The following WFS1 variants were observed in gnomAD, a reference collection of about 807,000 sequenced individuals.
The protein encoded by WFS1 is wolframin.
Under a neutral mutation model 68.5 loss-of-function variants are expected in WFS1, and 90 were observed. The observed-to-expected ratio is 1.31, with a 90% confidence interval of 1.11 to 1.56. WFS1 has a LOEUF of 1.56. WFS1 is among the 40% of genes most tolerant of loss of function. The pLI is 0.00. For missense variants in WFS1, 1,767 were observed against 1,232.6 expected, an observed-to-expected ratio of 1.43 and a Z score of -6.49; for synonymous variants, 860 against 540.7, an observed-to-expected ratio of 1.59 and a Z score of -8.19.
intron 6 of WFS1, among the ~76,000 whole-genome samples, chr4:6,294,583 G>T (rs144673636): frequency 6.6e-6 from 1 of 152,146 alleles, no homozygotes; most frequent in Admixed American, 6.5e-5. Context: ...GGTTGGGGGC[G>T]CAGATCATGT....
At chr4:6,286,991 A>G (rs1730328531) in intron 2 of WFS1, 102 bp from the exon 3 acceptor site, 1 of 1,040,702 alleles carries the variant, frequency 9.6e-7, no homozygotes, top group Non-Finnish European at 1.5e-6. Flanking sequence ...GAAAGTGACA[A>G]GCAGCAGCAG....
chr4:6,302,494 A>G lies in WFS1; in HGVS notation c.*26A>G, dbSNP rs931077061. The G allele has an allele frequency of 6.2e-7, 1 of 1,611,488 alleles. No homozygotes were observed. The highest frequency in any genetic ancestry group is 8.5e-7 in the Non-Finnish European group (1 of 1,179,962). On this transcript the variant is annotated 3_prime_UTR_variant, in exon 8 of 8. Coordinates refer to ENST00000226760, the MANE Select transcript of WFS1 (RefSeq NM_006005.3). ...GGATGGTCCGCCACGAGGAGCTTCC[A>G]GTGCATGTTGCCATGAGGCCTTTCC...
At chr4:6,299,874 G>T (rs1282464751) in intron 7 of WFS1, among the ~76,000 whole-genome samples, 3 of 129,598 alleles carry the variant, frequency 2.3e-5, no homozygotes, top group African/African-American at 9.4e-5. Flanking sequence ...TGTAGGGGTG[G>T]GCTGCATGTG....
At chr4:6,284,890 T>C (rs1730267551) in intron 2 of WFS1, among the ~76,000 whole-genome samples, 1 of 150,602 alleles carries the variant, frequency 6.6e-6, no homozygotes, top group Admixed American at 6.7e-5. Flanking sequence ...ATGGCCTTGG[T>C]GCCTGCAGGC....
intron 2 of WFS1, 79 bp downstream of exon 2, chr4:6,277,766 A>C: frequency 6.7e-7 from 1 of 1,488,404 alleles, no homozygotes. Context: ...CCACCCCTGG[A>C]GGGTCCCCCC....
Position 6,302,626 on chromosome 4 carries a change from G to A in WFS1, c.*158G>A, listed in dbSNP as rs548892128. 54 of 1,029,726 alleles carry A rather than the reference G, an allele frequency of 5.2e-5. No homozygotes were observed. The highest frequency in any genetic ancestry group is 3.1e-4 in the Middle Eastern group (1 of 3,176). 63.8% of individuals were successfully genotyped at this position (1,029,726 alleles called of 1,614,324 possible). ...ACCATGTGTAGATTGCGTGGACCCC[G>A]ACAAAGGGAAGGCTGCTGTGTAGCT... On this transcript the variant is annotated 3_prime_UTR_variant, in exon 8 of 8. Coordinates refer to ENST00000226760, the MANE Select transcript of WFS1 (RefSeq NM_006005.3).
rs1730873856 is a variant in WFS1, at chr4:6,301,040, C to T, written c.1245C>T (p.Val415=). The T allele has an allele frequency of 3.1e-6, 5 of 1,614,076 alleles. No homozygotes were observed. Among genetic ancestry groups the T allele is most frequent in the South Asian group, 2.2e-5 (2 of 91,090 alleles). ...YAHFLLSVFF[V]IFSFPIASKD... is the part of the protein sequence containing the mutation. ...ATTTCCTGCTCTCTGTCTTCTTCGT[C>T]ATCTTCTCCTTCCCCATCGCCAGCA... The change falls in exon 8 of 8, where the codon GTC becomes GTT. Residue 415 remains valine (V), a synonymous_variant. Coordinates refer to ENST00000226760, the MANE Select transcript of WFS1 (RefSeq NM_006005.3).
At chr4:6,295,627 C>A (rs974295605) in intron 7 of WFS1, among the ~76,000 whole-genome samples, 1 of 152,212 alleles carries the variant, frequency 6.6e-6, no homozygotes, top group African/African-American at 2.4e-5. Context: ...GGAGGACGTG[C>A]AGAGGCGCCT....
At position 6,295,150 on chromosome 4, in the gene WFS1, G is replaced by A. The variant is rs1399001319; in HGVS notation, c.822G>A (p.Leu274=). 6.2e-7 allele frequency: 1 copy of A among 1,612,562 alleles called. No individual in the cohort carries two copies. The highest frequency in any genetic ancestry group is 1.3e-5 in the African/African-American group (1 of 74,924). Reference sequence around the variant, plus strand: ...AGGACGACGAAGATGATGACGAGCTGGCGGGGAAGAGCCCTGAGGACCTGC... The same window carrying A: ...AGGACGACGAAGATGATGACGAGCTAGCGGGGAAGAGCCCTGAGGACCTGC... ...FLQDDEDDDE[L]AGKSPEDLPL... Residue 274 remains leucine, a synonymous_variant, in exon 7 of 8, where the codon CTG becomes CTA. Coordinates refer to ENST00000226760, the MANE Select transcript of WFS1 (RefSeq NM_006005.3).
chr4:6,297,279 G>A (rs146438976), intron 7 of WFS1, among the ~76,000 whole-genome samples: 1 of 152,126 alleles, frequency 6.6e-6, no homozygotes, highest in Non-Finnish European at 1.5e-5. Flanking sequence ...GCAATGAATC[G>A]TCACAAGCGT....
At chr4:6,273,030 C>T (rs1729883435) in intron 1 of WFS1, among the ~76,000 whole-genome samples, 1 of 152,242 alleles carries the variant, frequency 6.6e-6, no homozygotes, top group South Asian at 2.1e-4. Context: ...CCTGGACTGG[C>T]ATCCTGGAGG....
chr4:6,278,239 G>GT (rs2109108517), intron 2 of WFS1, among the ~76,000 whole-genome samples: 1 of 152,234 alleles, frequency 6.6e-6, no homozygotes, highest in African/African-American at 2.4e-5. Context: ...GAGGCCCTGG[G>GT]TGTTCAAAGC....
chr4:6,275,147 C>T (rs1338532014), intron 1 of WFS1, among the ~76,000 whole-genome samples: 1 of 152,196 alleles, frequency 6.6e-6, no homozygotes, highest in Non-Finnish European at 1.5e-5. Context: ...GAGAACAGAG[C>T]CGTTGGTCTT....
chr4:6,279,817 G>A (rs1208181104), intron 2 of WFS1, among the ~76,000 whole-genome samples: 7 of 152,194 alleles, frequency 4.6e-5, no homozygotes, highest in Non-Finnish European at 1.0e-4. Context: ...GCTGCTCCTT[G>A]GCCTGTACAC....
chr4:6,301,657 T>A lies in WFS1; in HGVS notation c.1862T>A (p.Val621Glu). ...TGGACCAAGGCCAGCTTCTCTGTGG[T>A]GGGGATGGTGAAGTCCCTGACGCGG... ...RWWTKASFSV[V>E]GMVKSLTRSS... Residue 621 changes from valine to glutamate, a missense_variant, in exon 8 of 8, where the codon GTG becomes GAG. Transcript: ENST00000226760. 6.2e-7 allele frequency: 1 copy of A among 1,614,066 alleles called. No homozygotes were observed. The highest frequency in any genetic ancestry group is 1.1e-5 in the South Asian group (1 of 91,080).
At chr4:6,295,298 AAG>A (rs1730605564) in intron 7 of WFS1, 109 bp downstream of exon 7, 1 of 1,372,794 alleles carries the variant, frequency 7.3e-7, no homozygotes, top group Admixed American at 1.7e-5. Flanking sequence ...GCGCCTAACA[AAG>A]AGTGTCTTAC....
intron 2 of WFS1, 152 bp from the exon 3 acceptor site, chr4:6,286,941 T>C: frequency 1.3e-6 from 1 of 748,052 alleles, no homozygotes. Context: ...GCATCTTCCC[T>C]GTCTGTGTCT....
In WFS1 at chr4:6,301,303, T is replaced by G. The variant is rs772993007; in HGVS notation, c.1508T>G (p.Val503Gly). ...CACCTGGTCGTCCTCAACGTCAGCGTCCCGTGCCTGCTCTATGTCTACCTG... is the reference window on the plus strand; with the variant it reads ...CACCTGGTCGTCCTCAACGTCAGCGGCCCGTGCCTGCTCTATGTCTACCTG... ...VGHLVVLNVS[V>G]PCLLYVYLLY... is the part of the protein sequence containing the mutation. The change falls in exon 8 of 8, where the codon GTC becomes GGC. Residue 503 changes from valine to glycine, a missense_variant. By Grantham distance (109) the Val-to-Gly change is moderately radical. Transcript: ENST00000226760. The G allele has an allele frequency of 1.2e-5, 20 of 1,611,362 alleles. No homozygotes were observed. The East Asian group carries it at 4.2e-4, about 34-fold the overall frequency.
chr4:6,285,275 G>C (rs1730282341), intron 2 of WFS1, among the ~76,000 whole-genome samples: 1 of 151,204 alleles, frequency 6.6e-6, no homozygotes, highest in African/African-American at 2.4e-5. Context: ...GGGACATCCA[G>C]GGAGAGGGGC....
Sources: allele counts gnomAD v4.1 joint callset (sites outside exome capture counted in the v4.1 genomes callset), GRCh38; gene constraint gnomAD v4.1.1; transcripts MANE v1.5; gene names NCBI Gene and HGNC (gene_info 2026-07-23, HGNC 2026-07-21).